The following TXNDC16 variants were observed in gnomAD, a reference collection of about 807,000 sequenced individuals.
The protein encoded by TXNDC16 is thioredoxin domain containing 16.
TXNDC16 carries 74 observed loss-of-function variants against 85.6 expected under a neutral mutation model. That is an observed-to-expected ratio of 0.86 (90% confidence interval 0.72 to 1.05). The LOEUF is 1.05. Ranked by LOEUF, TXNDC16 falls within the 50% of genes least tolerant of loss-of-function variation. The pLI is 0.00. For synonymous variants in TXNDC16, 335 were observed against 326.5 expected (o/e 1.03, Z -0.28); for missense variants, 959 against 947.0 (o/e 1.01, Z -0.17).
chr14:52,551,938 G>A (rs1252003620), intron 1 of TXNDC16, among the ~76,000 whole-genome samples: 2 of 149,434 alleles, frequency 1.3e-5, no homozygotes, highest in Admixed American at 1.3e-4. Flanking sequence ...TTCTACGTTT[G>A]AAAGAACCAG....
intron 20 of TXNDC16, among the ~76,000 whole-genome samples, chr14:52,434,032 A>T (rs920246677): frequency 3.3e-5 from 5 of 151,972 alleles, no homozygotes; most frequent in African/African-American, 1.2e-4. Context: ...TCAAAAAATA[A>T]AAATAAATTA....
intron 4 of TXNDC16, among the ~76,000 whole-genome samples, chr14:52,539,964 AC>A (rs2037791832): frequency 6.6e-6 from 1 of 152,126 alleles, no homozygotes; most frequent in Non-Finnish European, 1.5e-5. Context: ...TTTGTACTTT[AC>A]GTTTTTTTTC....
chr14:52,503,881 G>T (rs2140171782), intron 9 of TXNDC16, among the ~76,000 whole-genome samples: 1 of 152,316 alleles, frequency 6.6e-6, no homozygotes, highest in South Asian at 2.1e-4. Flanking sequence ...AGTCCTTAAA[G>T]GACTTGATGG....
At chr14:52,468,374 GT>G (rs1463493029) in intron 16 of TXNDC16, among the ~76,000 whole-genome samples, 1 of 151,932 alleles carries the variant, frequency 6.6e-6, no homozygotes, top group South Asian at 2.1e-4. Flanking sequence ...AAATGATAGG[GT>G]TTTTTATAGC....
At chr14:52,445,962 TA>T (rs912627972) in intron 18 of TXNDC16, among the ~76,000 whole-genome samples, 2 of 152,134 alleles carry the variant, frequency 1.3e-5, no homozygotes, top group African/African-American at 4.8e-5. Flanking sequence ...CATAAGACAA[TA>T]TTTTTTTCTA....
At chr14:52,530,304 A>G (rs1421955297) in intron 6 of TXNDC16, among the ~76,000 whole-genome samples, 1 of 50,740 alleles carries the variant, frequency 2.0e-5, no homozygotes, top group Non-Finnish European at 3.2e-5. Flanking sequence ...ATATAATATT[A>G]ATATATAATA....
chr14:52,446,485 G>A (rs1167971271), intron 18 of TXNDC16, among the ~76,000 whole-genome samples: 1 of 152,118 alleles, frequency 6.6e-6, no homozygotes, highest in Non-Finnish European at 1.5e-5. Flanking sequence ...AACTTGAAAG[G>A]CAGTCTAGGC....
In TXNDC16 at chr14:52,534,466, ATTC is replaced by A. The variant is rs370594961; in HGVS notation, c.392+2250_392+2252del. Among the ~76,000 whole-genome samples the A allele has an allele frequency of 1.8e-4, 28 of 152,228 alleles. No individual in the cohort carries two copies. In the South Asian group the frequency reaches 5.2e-3, roughly 28 times the overall value. ...TGTACTTTATGTGTGGACCAAGACA[ATTC>A]TTCTTCCGATGTGGCCCAGGTAAGC... On this transcript the variant is annotated intron_variant, in intron 6 of 20. Transcript: ENST00000281741.
chr14:52,443,624 T>A (rs1030970062), intron 18 of TXNDC16, among the ~76,000 whole-genome samples: 1 of 152,156 alleles, frequency 6.6e-6, no homozygotes, highest in African/African-American at 2.4e-5. Context: ...GGAATAGTGA[T>A]AATGAAGGAT....
intron 18 of TXNDC16, among the ~76,000 whole-genome samples, chr14:52,443,888 A>G (rs916800944): frequency 1.3e-5 from 2 of 152,232 alleles, no homozygotes; most frequent in Non-Finnish European, 2.9e-5. Flanking sequence ...AAGGAAACTG[A>G]GTTCTAAAAT....
chr14:52,546,880 A>T (rs1278922160), intron 1 of TXNDC16, among the ~76,000 whole-genome samples: 1 of 152,246 alleles, frequency 6.6e-6, no homozygotes, highest in Non-Finnish European at 1.5e-5. Context: ...CAGAGACTGG[A>T]GCTAAGCAAG....
At chr14:52,434,805 C>T (rs1462151298) in intron 20 of TXNDC16, among the ~76,000 whole-genome samples, 1 of 152,202 alleles carries the variant, frequency 6.6e-6, no homozygotes, top group African/African-American at 2.4e-5. Flanking sequence ...AGAGACTGTT[C>T]AGTTTTCTTT....
At chr14:52,511,134 ATC>A in intron 9 of TXNDC16, 104 bp downstream of exon 9, 1 of 956,500 alleles carries the variant, frequency 1.0e-6, no homozygotes, top group South Asian at 3.3e-5. Context: ...TAAAACATGC[ATC>A]TATAAATCAA....
intron 9 of TXNDC16, among the ~76,000 whole-genome samples, chr14:52,491,606 G>C (rs202176003): frequency 7.6e-6 from 1 of 131,398 alleles, no homozygotes; most frequent in Non-Finnish European, 1.6e-5. Context: ...CAATAAATAA[G>C]TGTGGGACTA....
intron 12 of TXNDC16, among the ~76,000 whole-genome samples, chr14:52,484,776 G>A (rs1473104160): frequency 6.6e-6 from 1 of 152,156 alleles, no homozygotes; most frequent in Non-Finnish European, 1.5e-5. Context: ...AGCTACTTGG[G>A]AGGCTGAGGC....
At chr14:52,460,722 G>T (rs1264341543) in intron 16 of TXNDC16, among the ~76,000 whole-genome samples, 1 of 147,882 alleles carries the variant, frequency 6.8e-6, no homozygotes, top group African/African-American at 2.5e-5. Flanking sequence ...AAAAAGCAAA[G>T]ACCTTTATTT....
At chr14:52,526,923 G>A (rs1278065135) in intron 6 of TXNDC16, among the ~76,000 whole-genome samples, 2 of 152,214 alleles carry the variant, frequency 1.3e-5, no homozygotes, top group African/African-American at 4.8e-5. Flanking sequence ...GAGAGGGCTT[G>A]AAGAGCTTCC....
chr14:52,546,541 G>A (rs2037945429), intron 1 of TXNDC16, among the ~76,000 whole-genome samples: 1 of 152,142 alleles, frequency 6.6e-6, no homozygotes, highest in Non-Finnish European at 1.5e-5. Flanking sequence ...TCTCTTTCAG[G>A]CAACAGTTTC....
intron 18 of TXNDC16, among the ~76,000 whole-genome samples, chr14:52,453,244 T>A (rs2140113137): frequency 6.6e-6 from 1 of 152,302 alleles, no homozygotes; most frequent in Admixed American, 6.5e-5. Flanking sequence ...TGTAAATTAG[T>A]GCAACCACTA....
Sources: gnomAD v4.1 joint callset for allele counts (sites outside exome capture counted in the v4.1 genomes callset) on GRCh38, gnomAD v4.1.1 for gene constraint, MANE v1.5 for transcripts, NCBI Gene and HGNC (gene_info 2026-07-23, HGNC 2026-07-21) for gene names.